SCGB2B2: variants seen among roughly 807,000 people sequenced by gnomAD.
SCGB2B2 encodes secretoglobin-like protein.
In SCGB2B2, 11 loss-of-function variants were observed where a neutral mutation model predicts 7.6. That is an observed-to-expected ratio of 1.45 (90% CI 0.91 to 2.40). SCGB2B2 has a LOEUF of 2.40. Ranked by LOEUF, SCGB2B2 falls within the 30% of genes most tolerant of loss-of-function variation. The pLI is 0.00. For synonymous variants in SCGB2B2, 50 were observed against 48.6 expected, an observed-to-expected ratio of 1.03 and a Z score of -0.12; for missense variants, 104 against 115.4, an observed-to-expected ratio of 0.90 and a Z score of 0.45.
intron 1 of SCGB2B2, among the ~76,000 whole-genome samples, chr19:34,626,037 A>G (rs1568434767): frequency 6.6e-6 from 1 of 152,232 alleles, no homozygotes; most frequent in East Asian, 1.9e-4. Flanking sequence ...AGCAAACTCC[A>G]ACAGACCTGC....
intron 1 of SCGB2B2, among the ~76,000 whole-genome samples, chr19:34,609,911 T>C (rs2065883429): frequency 6.6e-6 from 1 of 152,138 alleles, no homozygotes; most frequent in Admixed American, 6.5e-5. Context: ...TTGCTTTTGG[T>C]AATACGCTCA....
intron 1 of SCGB2B2, chr19:34,635,512 AC>A (rs2066651362): frequency 3.4e-6 from 1 of 296,066 alleles, no homozygotes; most frequent in African/African-American, 2.2e-5. Context: ...CATTCGCTGC[AC>A]CCGTAAGGCT....
At position 34,627,155 on chromosome 19, in the gene SCGB2B2, C is replaced by T. The variant is rs142206551; in HGVS notation, c.-2031-30561G>A. 2.1e-3 allele frequency among the ~76,000 whole-genome samples: 326 copies of T among 152,224 alleles called. 2 individuals are homozygous for T. Among genetic ancestry groups the T allele is most frequent in the African/African-American group, 7.4e-3 (307 of 41,556 alleles). On this transcript the variant is annotated intron_variant, in intron 1 of 3. Transcript: ENST00000601241. ...ACTGGTACCAGCCACTGCAAAAACA[C>T]GCCAAATTGTAAAGACCATCAATGA...
intron 1 of SCGB2B2, among the ~76,000 whole-genome samples, chr19:34,662,935 AAAAC>A (rs377124471): frequency 1.7e-3 from 260 of 151,834 alleles, no homozygotes; most frequent in Middle Eastern, 0.014. Context: ...TGTCTCCAAA[AAAAC>A]AAACAAACAA....
chr19:34,630,519 A>C (rs2145944400), intron 1 of SCGB2B2, among the ~76,000 whole-genome samples: 1 of 152,144 alleles, frequency 6.6e-6, no homozygotes, highest in South Asian at 2.1e-4. Context: ...AAAAATGCTC[A>C]CCATCACTGG....
At chr19:34,623,005 G>T (rs909774777) in intron 1 of SCGB2B2, among the ~76,000 whole-genome samples, 1 of 150,844 alleles carries the variant, frequency 6.6e-6, no homozygotes, top group Non-Finnish European at 1.5e-5. Context: ...TCCAATATAC[G>T]CATTTGAAAG....
At chr19:34,669,833 T>A (rs2067754567) in intron 1 of SCGB2B2, among the ~76,000 whole-genome samples, 1 of 151,626 alleles carries the variant, frequency 6.6e-6, no homozygotes, top group Non-Finnish European at 1.5e-5. Context: ...TTATTTACAT[T>A]TCCCGGGGCA....
intron 1 of SCGB2B2, among the ~76,000 whole-genome samples, chr19:34,648,810 C>T (rs1165160015): frequency 6.6e-6 from 1 of 151,712 alleles, no homozygotes; most frequent in Non-Finnish European, 1.5e-5. Flanking sequence ...GAACATGTTG[C>T]ATTATTTATT....
At chr19:34,669,714 T>TACACACATACACACACACAC (rs1555750459) in intron 1 of SCGB2B2, among the ~76,000 whole-genome samples, 2 of 139,498 alleles carry the variant, frequency 1.4e-5, no homozygotes, top group South Asian at 4.9e-4. Flanking sequence ...TGCCCCCACT[T>TACACACATACACACACACAC]ACACACACAC....
chr19:34,647,683 G>T (rs375107383), intron 1 of SCGB2B2, among the ~76,000 whole-genome samples: 3 of 152,182 alleles, frequency 2.0e-5, no homozygotes, highest in Non-Finnish European at 4.4e-5. Context: ...TCCCAGAGCC[G>T]GACACCCCAT....
At chr19:34,647,823 G>C (rs540683123) in intron 1 of SCGB2B2, among the ~76,000 whole-genome samples, 1 of 152,236 alleles carries the variant, frequency 6.6e-6, no homozygotes, top group Admixed American at 6.5e-5. Flanking sequence ...AAATGTGATC[G>C]GGTGGGACTG....
chr19:34,667,627 C>T (rs1378495794), intron 1 of SCGB2B2, among the ~76,000 whole-genome samples: 1 of 152,212 alleles, frequency 6.6e-6, no homozygotes, highest in African/African-American at 2.4e-5. Context: ...TGGGCCTGCT[C>T]CCGGTTTGGA....
intron 1 of SCGB2B2, among the ~76,000 whole-genome samples, chr19:34,666,862 G>C (rs1364002067): frequency 2.6e-5 from 4 of 151,678 alleles, no homozygotes; most frequent in African/African-American, 9.7e-5. Flanking sequence ...CTGCTCACGT[G>C]CTCCTACTCT....
In SCGB2B2 at chr19:34,594,598, G is replaced by A. The variant is rs766228542; in HGVS notation, c.-35C>T. On this transcript the variant is annotated 5_prime_UTR_variant, in exon 2 of 4. Transcript: ENST00000601241. ...GTCTGGTCCCAGCAGGCACAGGCAGGGAATTTGGCGATGGGTGAGCTTTAT... is the reference window on the plus strand; with the variant it reads ...GTCTGGTCCCAGCAGGCACAGGCAGAGAATTTGGCGATGGGTGAGCTTTAT... 3 of 1,592,180 alleles carry A rather than the reference G, an allele frequency of 1.9e-6. No homozygotes were observed. Among genetic ancestry groups the A allele is most frequent in the Admixed American group, 3.3e-5 (2 of 59,878 alleles).
At chr19:34,635,506 C>T (rs559246354) in intron 1 of SCGB2B2, 9 of 295,498 alleles carry the variant, frequency 3.0e-5, no homozygotes, top group African/African-American at 1.1e-4. Flanking sequence ...TTCCCACATT[C>T]GCTGCACCCG....
chr19:34,638,446 A>T (rs2066749112), intron 1 of SCGB2B2, among the ~76,000 whole-genome samples: 1 of 151,344 alleles, frequency 6.6e-6, no homozygotes, highest in Non-Finnish European at 1.5e-5. Context: ...CTGTCTCCAA[A>T]ACAAAAAAAA....
chr19:34,592,286 C>T lies in SCGB2B2; in HGVS notation c.*1269G>A, dbSNP rs2065315300. Among the ~76,000 whole-genome samples, 1 of 152,120 alleles carries T rather than the reference C, an allele frequency of 6.6e-6. No homozygotes were observed. The highest frequency in any genetic ancestry group is 2.4e-5 in the African/African-American group (1 of 41,422). ...AGCAGTGGAGCCTTGTCCTGGCCAG[C>T]CGTGTGTGCCCTGCTGAAGGTGGGT... On this transcript the variant is annotated 3_prime_UTR_variant, in exon 4 of 4. Coordinates refer to ENST00000601241, the MANE Select transcript of SCGB2B2 (RefSeq NM_001025591.4).
At chr19:34,653,731 T>C (rs1600066205) in intron 1 of SCGB2B2, among the ~76,000 whole-genome samples, 1 of 151,244 alleles carries the variant, frequency 6.6e-6, no homozygotes, top group African/African-American at 2.5e-5. Context: ...AGGATCACCT[T>C]AAAAGATGCA....
At chr19:34,604,842 TTTTA>T (rs1208618876) in intron 1 of SCGB2B2, among the ~76,000 whole-genome samples, 1 of 152,198 alleles carries the variant, frequency 6.6e-6, no homozygotes, top group Non-Finnish European at 1.5e-5. Flanking sequence ...TCTTGTATAT[TTTTA>T]TTTTTATTAT....
Sources: allele counts gnomAD v4.1 joint callset (sites outside exome capture counted in the v4.1 genomes callset), GRCh38; gene constraint gnomAD v4.1.1; transcripts MANE v1.5; gene names NCBI Gene and HGNC (gene_info 2026-07-23, HGNC 2026-07-21).